Variants in ZNF385B observed in about 807,000 individuals in gnomAD.
ZNF385B encodes zinc finger protein 533.
Under a neutral mutation model 39.2 loss-of-function variants are expected in ZNF385B, and 23 were observed. The observed-to-expected ratio is 0.59, with a 90% confidence interval of 0.42 to 0.83. The LOEUF (loss-of-function observed/expected upper bound fraction) is 0.83. Among genes scored for constraint, ZNF385B ranks in the 40% least tolerant of loss-of-function variants. The pLI is 0.00. For missense variants in ZNF385B, 552 were observed against 598.9 expected (o/e 0.92, Z 0.82); for synonymous variants, 205 against 222.6 (o/e 0.92, Z 0.70).
intron 3 of ZNF385B, among the ~76,000 whole-genome samples, chr2:179,753,889 T>A (rs1433371673): frequency 6.6e-6 from 1 of 152,228 alleles, no homozygotes; most frequent in Admixed American, 6.5e-5. Flanking sequence ...CAGGGACAAT[T>A]TGACTTCCTC....
chr2:179,722,379 G>A (rs995515719), intron 3 of ZNF385B, among the ~76,000 whole-genome samples: 2 of 152,056 alleles, frequency 1.3e-5, no homozygotes, highest in Non-Finnish European at 2.9e-5. Flanking sequence ...AACATATTAT[G>A]ACATTGGTGT....
chr2:179,472,848 C>T (rs1364887868), intron 6 of ZNF385B, among the ~76,000 whole-genome samples: 1 of 152,082 alleles, frequency 6.6e-6, no homozygotes, highest in East Asian at 1.9e-4. Flanking sequence ...TATTCTCTTT[C>T]CACAGATGGG....
chr2:179,517,983 T>A (rs966542155), intron 5 of ZNF385B, among the ~76,000 whole-genome samples: 2 of 152,194 alleles, frequency 1.3e-5, no homozygotes, highest in African/African-American at 4.8e-5. Flanking sequence ...GACACAAACA[T>A]GAAATGTGGC....
intron 4 of ZNF385B, among the ~76,000 whole-genome samples, chr2:179,533,213 C>T (rs2059363104): frequency 6.6e-6 from 1 of 152,120 alleles, no homozygotes; most frequent in African/African-American, 2.4e-5. Context: ...TCTGATTGCA[C>T]AAGAAGTAAT....
intron 1 of ZNF385B, among the ~76,000 whole-genome samples, chr2:179,777,102 A>G (rs886344148): frequency 9.2e-5 from 14 of 151,706 alleles, no homozygotes; most frequent in Non-Finnish European, 4.4e-5. Context: ...TTTAATGTCT[A>G]TGTAAATCAG....
intron 3 of ZNF385B, among the ~76,000 whole-genome samples, chr2:179,724,466 A>C (rs528243153): frequency 7.9e-5 from 12 of 152,284 alleles, no homozygotes; most frequent in Non-Finnish European, 1.3e-4. Context: ...TAGTTATGTA[A>C]ATTCTTCCAA....
intron 3 of ZNF385B, among the ~76,000 whole-genome samples, chr2:179,663,471 G>A (rs6718615): frequency 0.37 from 55,477 of 151,904 alleles, 10,942 homozygotes; most frequent in East Asian, 0.58. Context: ...AGCACTTTGG[G>A]AGGCCGAGGC....
intron 3 of ZNF385B, among the ~76,000 whole-genome samples, chr2:179,598,572 T>C (rs1180475521): frequency 6.6e-6 from 1 of 152,170 alleles, no homozygotes; most frequent in Non-Finnish European, 1.5e-5. Flanking sequence ...ATATAAAACC[T>C]GTAATATTCT....
chr2:179,631,791 C>G (rs1382029478), intron 3 of ZNF385B, among the ~76,000 whole-genome samples: 1 of 152,000 alleles, frequency 6.6e-6, no homozygotes, highest in East Asian at 1.9e-4. Context: ...TGTGCAAACT[C>G]ACATGTAGGC....
At chr2:179,853,644 G>C (rs1684352937) in intron 1 of ZNF385B, among the ~76,000 whole-genome samples, 1 of 152,182 alleles carries the variant, frequency 6.6e-6, no homozygotes, top group Non-Finnish European at 1.5e-5. Flanking sequence ...AAAGAAATCA[G>C]TGTACCTGCA....
intron 4 of ZNF385B, chr2:179,522,813 A>C: frequency 2.8e-6 from 1 of 362,824 alleles, no homozygotes; most frequent in East Asian, 8.5e-5. Flanking sequence ...ATTAGGAAAT[A>C]ATACTAAAGA....
intron 3 of ZNF385B, among the ~76,000 whole-genome samples, chr2:179,569,086 A>T (rs1162429955): frequency 1.3e-5 from 2 of 152,194 alleles, no homozygotes; most frequent in Non-Finnish European, 2.9e-5. Flanking sequence ...AGAACTTGCT[A>T]TTACCTGCAT....
At chr2:179,519,225 C>T (rs1220636106) in intron 4 of ZNF385B, among the ~76,000 whole-genome samples, 1 of 152,174 alleles carries the variant, frequency 6.6e-6, no homozygotes, top group Admixed American at 6.5e-5. Flanking sequence ...AATTATTACA[C>T]ATATATTTAT....
chr2:179,806,317 A>C (rs1706344817), intron 1 of ZNF385B, among the ~76,000 whole-genome samples: 1 of 152,220 alleles, frequency 6.6e-6, no homozygotes, highest in African/African-American at 2.4e-5. Flanking sequence ...CTAAGACAAC[A>C]TGCCCCTCAA....
intron 3 of ZNF385B, among the ~76,000 whole-genome samples, chr2:179,754,916 T>C (rs1308235067): frequency 6.6e-6 from 1 of 152,210 alleles, no homozygotes; most frequent in Non-Finnish European, 1.5e-5. Context: ...AAGGGTTTTT[T>C]GTGTCTCTAT....
intron 3 of ZNF385B, among the ~76,000 whole-genome samples, chr2:179,726,218 T>C (rs1286636745): frequency 6.6e-6 from 1 of 152,056 alleles, no homozygotes; most frequent in East Asian, 1.9e-4. Context: ...TTTCCCTTCA[T>C]TAAAATCTCA....
chr2:179,588,198 C>T (rs910818233), intron 3 of ZNF385B, among the ~76,000 whole-genome samples: 3 of 152,122 alleles, frequency 2.0e-5, no homozygotes, highest in African/African-American at 7.2e-5. Context: ...ACGCCATTCT[C>T]CTGCCTCAGC....
chr2:179,459,539 A>T (rs1218473885), intron 6 of ZNF385B, among the ~76,000 whole-genome samples: 2 of 151,798 alleles, frequency 1.3e-5, no homozygotes, highest in African/African-American at 2.4e-5. Context: ...AAAAATACCA[A>T]GTCTCTGACT....
chr2:179,558,961 G>A (rs138217059), intron 3 of ZNF385B, among the ~76,000 whole-genome samples: 1 of 152,126 alleles, frequency 6.6e-6, no homozygotes, highest in Non-Finnish European at 1.5e-5. Context: ...GTGAGTATGG[G>A]GTAAAATTGG....
Sources: allele counts gnomAD v4.1 joint callset (sites outside exome capture counted in the v4.1 genomes callset), GRCh38; gene constraint gnomAD v4.1.1; transcripts MANE v1.5; gene names NCBI Gene and HGNC (gene_info 2026-07-23, HGNC 2026-07-21).